SPTLC2: variants seen among roughly 807,000 people sequenced by gnomAD.
The protein encoded by SPTLC2 is serine palmitoyltransferase long chain base subunit 2.
A neutral mutation model predicts 62.0 loss-of-function variants in SPTLC2; 21 were observed. That is an observed-to-expected ratio of 0.34 (90% CI 0.24 to 0.49). SPTLC2 has a LOEUF of 0.49. SPTLC2 is among the 20% of genes least tolerant of loss of function. The pLI is 0.99. For synonymous variants in SPTLC2, 261 were observed against 261.8 expected, an observed-to-expected ratio of 1.00 and a Z score of 0.03; for missense variants, 511 against 713.0, an observed-to-expected ratio of 0.72 and a Z score of 3.23.
intron 9 of SPTLC2, among the ~76,000 whole-genome samples, chr14:77,543,465 G>A (rs1261870006): frequency 6.6e-6 from 1 of 152,188 alleles, no homozygotes; most frequent in Non-Finnish European, 1.5e-5. Context: ...TCTGGTAAAG[G>A]CTTGGCTTGG....
Position 77,555,404 on chromosome 14 carries a change from C to G in SPTLC2, c.1072G>C (p.Gly358Arg). Residue 358 changes from glycine to arginine, a missense_variant, in exon 8 of 12, where the codon GGT (glycine) becomes CGT (arginine). By Grantham distance (125) the Gly-to-Arg change is moderately radical. Transcript: ENST00000216484. ...SIGALGPTGR[G>R]VVEYFGLDPE... Reference sequence around the variant, plus strand: ...TCCAGGCCAAAGTACTCCACCACACCCCGGCCTGTGGGGCCCAGGGCGCCA... The same window carrying G: ...TCCAGGCCAAAGTACTCCACCACACGCCGGCCTGTGGGGCCCAGGGCGCCA... The G allele has an allele frequency of 6.2e-7, 1 of 1,614,160 alleles. No individual in the cohort carries two copies. Among genetic ancestry groups the G allele is most frequent in the Non-Finnish European group, 8.5e-7 (1 of 1,180,040 alleles).
At chr14:77,562,953 T>C (rs760935991) in intron 5 of SPTLC2, among the ~76,000 whole-genome samples, 2 of 152,206 alleles carry the variant, frequency 1.3e-5, no homozygotes, top group Admixed American at 6.6e-5. Flanking sequence ...ATCCTACTTA[T>C]TAACTTTTTC....
At chr14:77,602,534 GA>G (rs2079883413) in intron 1 of SPTLC2, among the ~76,000 whole-genome samples, 1 of 148,012 alleles carries the variant, frequency 6.8e-6, no homozygotes, top group African/African-American at 2.5e-5. Context: ...TAAGGAGGTT[GA>G]AAAGGTTTGT....
chr14:77,523,440 G>A (rs77644804), intron 9 of SPTLC2, among the ~76,000 whole-genome samples: 12,664 of 152,196 alleles, frequency 0.083, 724 homozygotes, highest in Admixed American at 0.17. Flanking sequence ...GGGAGGCTGC[G>A]GGGGCTAGAA....
chr14:77,527,937 CAAA>C (rs760475118), intron 9 of SPTLC2, among the ~76,000 whole-genome samples: 4 of 152,286 alleles, frequency 2.6e-5, no homozygotes, highest in African/African-American at 7.2e-5. Context: ...CCATAACCAA[CAAA>C]AACATGTTTG....
At chr14:77,577,504 GC>G (rs2079723188) in intron 3 of SPTLC2, among the ~76,000 whole-genome samples, 2 of 152,132 alleles carry the variant, frequency 1.3e-5, no homozygotes, top group Admixed American at 6.6e-5. Context: ...TCACACCATG[GC>G]ACATGTATAC....
chr14:77,555,838 C>T (rs908693583), intron 7 of SPTLC2, among the ~76,000 whole-genome samples: 3 of 152,014 alleles, frequency 2.0e-5, no homozygotes, highest in African/African-American at 4.8e-5. Flanking sequence ...AGGCTAGTCT[C>T]GAACTCCTGG....
At chr14:77,513,016 C>CTTTT (rs1190713237) in intron 11 of SPTLC2, among the ~76,000 whole-genome samples, 4,323 of 62,746 alleles carry the variant, frequency 0.069, 1,175 homozygotes, top group African/African-American at 0.12. Flanking sequence ...AACCCAGCAA[C>CTTTT]TTTTTTTTTT....
chr14:77,539,789 C>T (rs892415781), intron 9 of SPTLC2, among the ~76,000 whole-genome samples: 6 of 151,630 alleles, frequency 4.0e-5, no homozygotes, highest in South Asian at 2.1e-4. Context: ...TGTGCCCAGC[C>T]GCTTAAGAGG....
chr14:77,543,523 C>CA (rs2079512582), intron 9 of SPTLC2, among the ~76,000 whole-genome samples: 1 of 152,102 alleles, frequency 6.6e-6, no homozygotes, highest in East Asian at 1.9e-4. Flanking sequence ...ATAAGACAAT[C>CA]AGAGTTTTAC....
chr14:77,606,287 G>A (rs952712346), intron 1 of SPTLC2, among the ~76,000 whole-genome samples: 3 of 152,178 alleles, frequency 2.0e-5, no homozygotes, highest in Admixed American at 1.3e-4. Context: ...CCAAAACCGC[G>A]TGCCACTGCA....
At chr14:77,571,377 G>C (rs766005273) in intron 4 of SPTLC2, among the ~76,000 whole-genome samples, 1 of 152,048 alleles carries the variant, frequency 6.6e-6, no homozygotes, top group Non-Finnish European at 1.5e-5. Context: ...AGGCATGGTG[G>C]CGTGTGCCTG....
chr14:77,589,985 A>G lies in SPTLC2; in HGVS notation c.327+7201T>C, dbSNP rs974499903. Among the ~76,000 whole-genome samples, 437 of 151,784 alleles carry G rather than the reference A, an allele frequency of 2.9e-3. 3 individuals carry two copies. Among genetic ancestry groups the G allele is most frequent in the East Asian group, 0.016 (84 of 5,148 alleles). On this transcript the variant is annotated intron_variant, in intron 2 of 11. Transcript: ENST00000216484. ...AGAGCAAGACCCTGTCTCAAAAAAA[A>G]AAAAAAAAAAGACAAGGTTTCACTC...
intron 5 of SPTLC2, among the ~76,000 whole-genome samples, chr14:77,563,865 A>T (rs1267944250): frequency 1.3e-5 from 2 of 152,216 alleles, no homozygotes; most frequent in Non-Finnish European, 2.9e-5. Context: ...AGGAATACTT[A>T]AGAAACTTGT....
intron 5 of SPTLC2, among the ~76,000 whole-genome samples, chr14:77,566,552 G>A (rs919800074): frequency 1.1e-4 from 16 of 152,060 alleles, no homozygotes; most frequent in Non-Finnish European, 1.8e-4. Context: ...TGCAAGCTCC[G>A]CCTCCCGGGT....
intron 4 of SPTLC2, among the ~76,000 whole-genome samples, chr14:77,574,908 T>C (rs563586803): frequency 6.6e-6 from 1 of 152,276 alleles, no homozygotes; most frequent in African/African-American, 2.4e-5. Flanking sequence ...AATGAAAATA[T>C]TTAAAATTAG....
chr14:77,539,314 C>A (rs1594977957), intron 9 of SPTLC2, among the ~76,000 whole-genome samples: 1 of 151,798 alleles, frequency 6.6e-6, no homozygotes, highest in African/African-American at 2.4e-5. Flanking sequence ...GGCAAGCCAA[C>A]AGGAGACAGT....
Position 77,541,858 on chromosome 14 carries a change from A to G in SPTLC2, c.1303+10238T>C, listed in dbSNP as rs531596787. On this transcript the variant is annotated intron_variant, in intron 9 of 11. Coordinates refer to ENST00000216484, the MANE Select transcript of SPTLC2 (RefSeq NM_004863.4). Reference sequence around the variant, plus strand: ...GATCACCTGAGGTCAGGAGTTCCACACCAGCCTGGCCAACATGGAGAAACC... The same window carrying G: ...GATCACCTGAGGTCAGGAGTTCCACGCCAGCCTGGCCAACATGGAGAAACC... Among the ~76,000 whole-genome samples the G allele has an allele frequency of 2.0e-5, 3 of 152,338 alleles. No individual in the cohort carries two copies. In the East Asian group the frequency reaches 5.8e-4, roughly 29 times the overall value.
intron 5 of SPTLC2, among the ~76,000 whole-genome samples, chr14:77,568,511 A>G (rs2140032138): frequency 6.6e-6 from 1 of 152,122 alleles, no homozygotes; most frequent in East Asian, 1.9e-4. Flanking sequence ...TCTGTTAATT[A>G]AGAGAGAGGG....
Sources: gnomAD v4.1 joint callset for allele counts (sites outside exome capture counted in the v4.1 genomes callset) on GRCh38, gnomAD v4.1.1 for gene constraint, MANE v1.5 for transcripts, NCBI Gene and HGNC (gene_info 2026-07-23, HGNC 2026-07-21) for gene names.